The following MAGI1 variants were observed in gnomAD, a reference collection of about 807,000 sequenced individuals.
The protein encoded by MAGI1 is membrane associated guanylate kinase, WW and PDZ domain containing 1, also known as membrane-associated guanylate kinase, WW and PDZ domain-containing protein 1.
In MAGI1, 58 loss-of-function variants were observed where a neutral mutation model predicts 139.9. That is an observed-to-expected ratio of 0.41 (90% CI 0.34 to 0.52). The LOEUF is 0.52. Among genes scored for constraint, MAGI1 ranks in the 20% least tolerant of loss-of-function variants. The pLI is 0.12. For synonymous variants in MAGI1, 812 were observed against 737.9 expected (o/e 1.10, Z -1.63); for missense variants, 1,874 against 1,901.6 (o/e 0.99, Z 0.27).
intron 18 of MAGI1, among the ~76,000 whole-genome samples, chr3:65,371,713 A>T (rs1310841301): frequency 2.6e-5 from 4 of 152,216 alleles, no homozygotes; most frequent in South Asian, 2.1e-4. Context: ...ACTTAAGTTG[A>T]TTTAATAATC....
chr3:65,505,549 G>A (rs2077248350), intron 2 of MAGI1, among the ~76,000 whole-genome samples: 1 of 151,758 alleles, frequency 6.6e-6, no homozygotes, highest in African/African-American at 2.4e-5. Context: ...GGAGGCTGAA[G>A]TGGGAGGACC....
At chr3:65,688,684 G>A (rs1003309707) in intron 1 of MAGI1, among the ~76,000 whole-genome samples, 3 of 152,088 alleles carry the variant, frequency 2.0e-5, no homozygotes, top group Non-Finnish European at 4.4e-5. Context: ...CTTCATTATA[G>A]ATGAATGGCA....
chr3:65,687,702 T>A, intron 1 of MAGI1: 1 of 524,160 alleles, frequency 1.9e-6, no homozygotes, highest in Non-Finnish European at 3.9e-6. Flanking sequence ...TGGAAGCTGT[T>A]GCTGCCCTGG....
chr3:65,932,985 G>C (rs2062872514), intron 1 of MAGI1, among the ~76,000 whole-genome samples: 3 of 152,218 alleles, frequency 2.0e-5, no homozygotes. Context: ...ATATGAAAGA[G>C]AATACCATCT....
intron 1 of MAGI1, among the ~76,000 whole-genome samples, chr3:65,984,404 T>C (rs1248843852): frequency 1.3e-5 from 2 of 152,146 alleles, no homozygotes; most frequent in African/African-American, 2.4e-5. Flanking sequence ...AAAATTCTGT[T>C]GATACTGGGA....
intron 8 of MAGI1, among the ~76,000 whole-genome samples, chr3:65,440,915 T>C (rs557484968): frequency 0.03 from 4,338 of 143,840 alleles, 90 homozygotes; most frequent in African/African-American, 0.043. Flanking sequence ...TATATATATA[T>C]ACACACACAC....
At chr3:65,942,881 C>T (rs1452814467) in intron 1 of MAGI1, among the ~76,000 whole-genome samples, 1 of 151,902 alleles carries the variant, frequency 6.6e-6, no homozygotes, top group East Asian at 1.9e-4. Flanking sequence ...ATGAGCTGGG[C>T]GTGGTGGTGT....
intron 2 of MAGI1, among the ~76,000 whole-genome samples, chr3:65,559,832 C>G (rs948694377): frequency 2.6e-5 from 4 of 152,096 alleles, no homozygotes; most frequent in Non-Finnish European, 4.4e-5. Context: ...CTGAAGACTT[C>G]GACACCAGCC....
intron 18 of MAGI1, among the ~76,000 whole-genome samples, chr3:65,370,443 A>G (rs913459646): frequency 1.3e-5 from 2 of 152,220 alleles, no homozygotes; most frequent in Admixed American, 1.3e-4. Flanking sequence ...CTTAAAAAAT[A>G]TCAATCCTCA....
At chr3:65,778,182 C>T (rs1273286590) in intron 1 of MAGI1, among the ~76,000 whole-genome samples, 2 of 152,110 alleles carry the variant, frequency 1.3e-5, no homozygotes, top group Admixed American at 1.3e-4. Flanking sequence ...GTAATCCCAG[C>T]ACTTTGGGGG....
chr3:65,379,101 T>C (rs1575563305), intron 17 of MAGI1, 160 bp downstream of exon 17: 1 of 1,462,952 alleles, frequency 6.8e-7, no homozygotes, highest in Non-Finnish European at 9.2e-7. Context: ...GGGAAAAAGC[T>C]ACCAAATCAA....
At chr3:65,530,739 A>G (rs1490961895) in intron 2 of MAGI1, among the ~76,000 whole-genome samples, 3 of 96,312 alleles carry the variant, frequency 3.1e-5, no homozygotes, top group African/African-American at 1.2e-4. Flanking sequence ...GTATATATAT[A>G]TGCACATATA....
chr3:65,726,036 T>C (rs189339455), intron 1 of MAGI1, among the ~76,000 whole-genome samples: 2 of 152,316 alleles, frequency 1.3e-5, no homozygotes, highest in Non-Finnish European at 1.5e-5. Flanking sequence ...TAAAGTAATA[T>C]ATATGAACAT....
intron 1 of MAGI1, among the ~76,000 whole-genome samples, chr3:65,952,120 A>G (rs1375040383): frequency 1.3e-5 from 2 of 152,208 alleles, no homozygotes; most frequent in East Asian, 3.9e-4. Context: ...GTGTAGATAG[A>G]TAACTCTTAG....
At chr3:65,441,369 A>C (rs1265982675) in intron 8 of MAGI1, among the ~76,000 whole-genome samples, 1 of 152,208 alleles carries the variant, frequency 6.6e-6, no homozygotes, top group African/African-American at 2.4e-5. Flanking sequence ...TTTTTTAAGC[A>C]GGTTTATCAA....
At chr3:65,503,834 G>C (rs1046938110) in intron 2 of MAGI1, among the ~76,000 whole-genome samples, 4 of 152,114 alleles carry the variant, frequency 2.6e-5, no homozygotes, top group Non-Finnish European at 5.9e-5. Flanking sequence ...GCTATGACAT[G>C]GGATGAAGGA....
intron 1 of MAGI1, among the ~76,000 whole-genome samples, chr3:65,955,442 T>C (rs1178798775): frequency 6.6e-6 from 1 of 152,172 alleles, no homozygotes; most frequent in Non-Finnish European, 1.5e-5. Context: ...CCTAGACCAG[T>C]TGCACCTTGA....
intron 1 of MAGI1, among the ~76,000 whole-genome samples, chr3:65,729,494 T>A (rs2033973525): frequency 6.6e-6 from 1 of 152,164 alleles, no homozygotes. Context: ...CATTTAAGAT[T>A]TGGTTTTATC....
chr3:65,795,495 TG>T (rs1266201669), intron 1 of MAGI1, among the ~76,000 whole-genome samples: 1 of 152,116 alleles, frequency 6.6e-6, no homozygotes, highest in African/African-American at 2.4e-5. Context: ...ATTGTAGAGA[TG>T]GGGAACATAT....
Sources: allele counts gnomAD v4.1 joint callset (sites outside exome capture counted in the v4.1 genomes callset), GRCh38; gene constraint gnomAD v4.1.1; transcripts MANE v1.5; gene names NCBI Gene and HGNC (gene_info 2026-07-23, HGNC 2026-07-21).